Variants in KSR2 observed in about 807,000 individuals in gnomAD.
KSR2 encodes the protein kinase suppressor of ras 2.
Under a neutral mutation model 107.8 loss-of-function variants are expected in KSR2, and 25 were observed. The observed-to-expected ratio is 0.23, with a 90% CI of 0.17 to 0.32. KSR2 has a LOEUF of 0.32. Ranked by LOEUF, KSR2 falls within the 10% of genes least tolerant of loss-of-function variation. KSR2 has a pLI of 1.00. For missense variants in KSR2, 887 were observed against 1,268.9 expected, an observed-to-expected ratio of 0.70 and a Z score of 4.57; for synonymous variants, 480 against 507.0, an observed-to-expected ratio of 0.95 and a Z score of 0.71.
At chr12:117,848,841 G>GTGATGGTGATGATGGTGA (rs56730615) in intron 3 of KSR2, among the ~76,000 whole-genome samples, 14 of 141,780 alleles carry the variant, frequency 9.9e-5, no homozygotes, top group South Asian at 4.9e-4. Context: ...GGTAGTGGTG[G>GTGATGGTGATGATGGTGA]TGATGGTGAT....
chr12:117,869,783 G>T (rs1277061965), intron 1 of KSR2, among the ~76,000 whole-genome samples: 2 of 152,152 alleles, frequency 1.3e-5, no homozygotes, highest in Non-Finnish European at 2.9e-5. Context: ...ATGTCTGCTG[G>T]GACGCCTTTG....
intron 5 of KSR2, among the ~76,000 whole-genome samples, chr12:117,635,588 G>C (rs1883029512): frequency 6.6e-6 from 1 of 152,086 alleles, no homozygotes; most frequent in African/African-American, 2.4e-5. Context: ...TAAGGATTAA[G>C]AAATAAAGAA....
intron 1 of KSR2, among the ~76,000 whole-genome samples, chr12:117,935,122 C>T (rs937611944): frequency 6.6e-6 from 1 of 151,978 alleles, no homozygotes; most frequent in Non-Finnish European, 1.5e-5. Flanking sequence ...GCCACCTTGC[C>T]CTGCCTTCTT....
chr12:117,712,977 T>C (rs1228296265), intron 4 of KSR2, among the ~76,000 whole-genome samples: 1 of 151,238 alleles, frequency 6.6e-6, no homozygotes, highest in Non-Finnish European at 1.5e-5. Context: ...TAAGTAGATA[T>C]AGATAGATAA....
At chr12:117,711,554 T>C (rs1886782642) in intron 4 of KSR2, among the ~76,000 whole-genome samples, 1 of 152,192 alleles carries the variant, frequency 6.6e-6, no homozygotes, top group African/African-American at 2.4e-5. Flanking sequence ...GGAGTTGAAA[T>C]AGATTTTGGA....
intron 4 of KSR2, among the ~76,000 whole-genome samples, chr12:117,739,890 G>GT (rs755449707): frequency 5.8e-4 from 66 of 113,428 alleles, no homozygotes; most frequent in Middle Eastern, 4.6e-3. Flanking sequence ...GGGTGTTACT[G>GT]TTTTTTTTTT....
At chr12:117,497,229 G>A (rs553417264) in intron 14 of KSR2, among the ~76,000 whole-genome samples, 2 of 152,184 alleles carry the variant, frequency 1.3e-5, no homozygotes, top group East Asian at 3.9e-4. Context: ...TGACAAGAAG[G>A]GCTGACTCTT....
intron 3 of KSR2, among the ~76,000 whole-genome samples, chr12:117,792,551 C>A (rs1380555198): frequency 1.3e-5 from 2 of 152,184 alleles, no homozygotes; most frequent in African/African-American, 4.8e-5. Context: ...CAGCACTGTG[C>A]CAGGCACAGA....
chr12:117,662,784 C>G (rs1477823569), intron 5 of KSR2, among the ~76,000 whole-genome samples: 1 of 152,168 alleles, frequency 6.6e-6, no homozygotes, highest in Non-Finnish European at 1.5e-5. Context: ...CCCAGAGTTT[C>G]CAAAACCAGC....
chr12:117,745,369 G>T (rs1888371164), intron 4 of KSR2, among the ~76,000 whole-genome samples: 1 of 152,176 alleles, frequency 6.6e-6, no homozygotes, highest in African/African-American at 2.4e-5. Flanking sequence ...AAAAGCTTCT[G>T]CACAGCAAAG....
At chr12:117,816,782 C>T (rs1891387015) in intron 3 of KSR2, among the ~76,000 whole-genome samples, 1 of 152,186 alleles carries the variant, frequency 6.6e-6, no homozygotes, top group South Asian at 2.1e-4. Flanking sequence ...TTAATTCACA[C>T]AACCATCCTG....
intron 3 of KSR2, among the ~76,000 whole-genome samples, chr12:117,800,854 G>C (rs1890809302): frequency 6.6e-6 from 1 of 151,922 alleles, no homozygotes. Context: ...CGTGGTGTTT[G>C]GTTTTCTGTT....
chr12:117,553,767 T>C (rs931123142), intron 9 of KSR2, among the ~76,000 whole-genome samples: 3 of 152,104 alleles, frequency 2.0e-5, no homozygotes, highest in Non-Finnish European at 4.4e-5. Context: ...TATCCCTCTA[T>C]TAATTCCTGC....
chr12:117,467,873 A>C (rs1566119365), intron 19 of KSR2: 1 of 444,338 alleles, frequency 2.3e-6, no homozygotes, highest in Non-Finnish European at 4.5e-6. Context: ...ATGAATGGAA[A>C]ATTCCACTGA....
At chr12:117,757,672 A>G (rs1888843636) in intron 4 of KSR2, among the ~76,000 whole-genome samples, 1 of 152,238 alleles carries the variant, frequency 6.6e-6, no homozygotes. Flanking sequence ...TTGAAGCAAG[A>G]CCTTCCACCA....
intron 1 of KSR2, among the ~76,000 whole-genome samples, chr12:117,929,313 G>C (rs1225567111): frequency 6.6e-6 from 1 of 152,134 alleles, no homozygotes; most frequent in Non-Finnish European, 1.5e-5. Context: ...TGAATCATGG[G>C]GGTGGTTTCC....
intron 4 of KSR2, among the ~76,000 whole-genome samples, chr12:117,753,266 AG>A (rs1312841833): frequency 2.0e-5 from 3 of 152,194 alleles, no homozygotes; most frequent in Non-Finnish European, 4.4e-5. Flanking sequence ...AATTTTCATA[AG>A]CGCAGATATG....
At chr12:117,581,246 C>T (rs1168233704) in intron 6 of KSR2, among the ~76,000 whole-genome samples, 1 of 152,150 alleles carries the variant, frequency 6.6e-6, no homozygotes, top group African/African-American at 2.4e-5. Context: ...TGCATCTGCC[C>T]CTGATATCAC....
intron 1 of KSR2, among the ~76,000 whole-genome samples, chr12:117,921,846 T>G (rs1439085308): frequency 2.6e-5 from 4 of 152,160 alleles, no homozygotes; most frequent in African/African-American, 7.2e-5. Flanking sequence ...CACGAGAAGA[T>G]GCATAGCTAG....
Sources: gnomAD v4.1 joint callset for allele counts (sites outside exome capture counted in the v4.1 genomes callset) on GRCh38, gnomAD v4.1.1 for gene constraint, MANE v1.5 for transcripts, NCBI Gene and HGNC (gene_info 2026-07-23, HGNC 2026-07-21) for gene names.